The following SLC25A25 variants were observed in gnomAD, a reference collection of about 807,000 sequenced individuals.
SLC25A25 encodes the protein mitochondrial adenyl nucleotide antiporter SLC25A25.
SLC25A25 carries 32 observed loss-of-function variants against 57.7 expected under a neutral mutation model. That is an observed-to-expected ratio of 0.55 (90% CI 0.42 to 0.74). The LOEUF is 0.74. Ranked by LOEUF, SLC25A25 falls within the 30% of genes least tolerant of loss-of-function variation. The pLI is 0.00. For synonymous variants in SLC25A25, 306 were observed against 291.2 expected (o/e 1.05, Z -0.52); for missense variants, 556 against 701.3 (o/e 0.79, Z 2.34).
chr9:128,093,119 AT>A (rs1317821409), intron 1 of SLC25A25, among the ~76,000 whole-genome samples: 4 of 152,252 alleles, frequency 2.6e-5, no homozygotes, highest in African/African-American at 9.6e-5. Context: ...ATAAAAGCTC[AT>A]TTTGCCTTTG....
rs141910331 is a variant in SLC25A25, at chr9:128,107,494, T to C, written c.*50T>C. 7.1e-4 allele frequency: 1,068 copies of C among 1,495,558 alleles called. 12 individuals are homozygous for C. The African/African-American group carries it at 0.013, about 18-fold the overall frequency. 92.6% of individuals were successfully genotyped at this position (1,495,558 alleles called of 1,614,324 possible). On this transcript the variant is annotated 3_prime_UTR_variant, in exon 11 of 11. Transcript: ENST00000373069. ...GACTCGCTGATCCTGGGCCGCAGCC[T>C]GGGGTGTGCAGCCATCTCATTCTGT...
Position 128,101,610 on chromosome 9 carries a change from C to G in SLC25A25, c.476+214C>G, listed in dbSNP as rs532207887. Reference sequence around the variant, plus strand: ...ATCACAGATCACCTGGAATTTTGCCCATCGGCCAGTGGCCCATGAAGGGAA... The same window carrying G: ...ATCACAGATCACCTGGAATTTTGCCGATCGGCCAGTGGCCCATGAAGGGAA... On this transcript the variant is annotated intron_variant, in intron 3 of 10. Transcript: ENST00000373069. This position sits in a 1 kb window ranked among gnomAD's most constrained non-coding sequence, Gnocchi z 4.9. 1.3e-5 allele frequency among the ~76,000 whole-genome samples: 2 copies of G among 151,100 alleles called. No individual in the cohort carries two copies. The highest frequency in any genetic ancestry group is 1.3e-4 in the Admixed American group (2 of 15,046).
At chr9:128,098,651 G>C in intron 1 of SLC25A25, 1 of 1,614,098 alleles carries the variant, frequency 6.2e-7, no homozygotes, top group Non-Finnish European at 8.5e-7. Context: ...GCTCCCTGCC[G>C]AGCTGAAGTC....
intron 1 of SLC25A25, chr9:128,098,764 A>G: frequency 1.9e-6 from 3 of 1,604,020 alleles, no homozygotes; most frequent in Non-Finnish European, 2.6e-6. Flanking sequence ...AGGCGCATTC[A>G]ACCGGTATTT....
chr9:128,079,429 AAAG>A (rs201774362), intron 1 of SLC25A25, among the ~76,000 whole-genome samples: 6,055 of 145,856 alleles, frequency 0.042, 394 homozygotes, highest in African/African-American at 0.15. Flanking sequence ...AAAAAAAAAA[AAAG>A]GGTGGAGAGA....
Position 128,099,137 on chromosome 9 carries a change from T to C in SLC25A25, c.262-1959T>C, listed in dbSNP as rs2130813441. 1 of 1,218,710 alleles carries C rather than the reference T, an allele frequency of 8.2e-7. No homozygotes were observed. Among genetic ancestry groups the C allele is most frequent in the East Asian group, 6.3e-5 (1 of 15,884 alleles). 75.5% of individuals were successfully genotyped at this position (1,218,710 alleles called of 1,614,324 possible). ...TCCCTGGTGTGGGGGTGAGGGAGCC[T>C]CCCGCCTTCTCGACTCTCAGACATC... On this transcript the variant is annotated intron_variant, in intron 1 of 10. Coordinates refer to ENST00000373069, the MANE Select transcript of SLC25A25 (RefSeq NM_001330988.2). The surrounding 1 kb of genome is among the most constrained non-coding windows in gnomAD (Gnocchi z 6.8).
intron 1 of SLC25A25, 38 bp downstream of exon 1, chr9:128,068,618 G>A (rs762351608): frequency 7.2e-7 from 1 of 1,393,902 alleles, no homozygotes; most frequent in Non-Finnish European, 9.3e-7. Flanking sequence ...CGGGGAGGGA[G>A]CCCCTCGAGG....
intron 1 of SLC25A25, among the ~76,000 whole-genome samples, chr9:128,079,788 T>G (rs1362861354): frequency 6.7e-6 from 1 of 148,608 alleles, no homozygotes; most frequent in African/African-American, 2.5e-5. Context: ...GTCAAGAGAT[T>G]GAGACCATCC....
intron 6 of SLC25A25, among the ~76,000 whole-genome samples, chr9:128,104,604 C>T (rs1833939464): frequency 6.6e-6 from 1 of 152,176 alleles, no homozygotes; most frequent in Non-Finnish European, 1.5e-5. Flanking sequence ...TGAACAACTG[C>T]CTCATCCTTT....
At chr9:128,076,503 T>A (rs1375349980) in intron 1 of SLC25A25, among the ~76,000 whole-genome samples, 1 of 149,876 alleles carries the variant, frequency 6.7e-6, no homozygotes, top group Non-Finnish European at 1.5e-5. Context: ...TCTCTCTCTC[T>A]CGCCCAGGCT....
chr9:128,098,814 T>G, intron 1 of SLC25A25: 4 of 1,537,856 alleles, frequency 2.6e-6, no homozygotes, highest in Non-Finnish European at 3.5e-6. Context: ...CATCCCCCAC[T>G]GAGAGGAAAG....
intron 1 of SLC25A25, chr9:128,091,886 T>C (rs1354901418): frequency 1.2e-6 from 2 of 1,610,500 alleles, no homozygotes; most frequent in Non-Finnish European, 1.7e-6. Context: ...GCAGATGCTG[T>C]GGCATTTCCT....
chr9:128,070,519 G>C (rs547784278), intron 1 of SLC25A25, among the ~76,000 whole-genome samples: 2 of 151,994 alleles, frequency 1.3e-5, no homozygotes, highest in African/African-American at 4.8e-5. Flanking sequence ...GGGATTACAG[G>C]CGTGAGCCAC....
Position 128,099,519 on chromosome 9 carries a change from C to A in SLC25A25, c.262-1577C>A. On this transcript the variant is annotated intron_variant, in intron 1 of 10. Coordinates refer to ENST00000373069, the MANE Select transcript of SLC25A25 (RefSeq NM_001330988.2). This position sits in a 1 kb window ranked among gnomAD's most constrained non-coding sequence, Gnocchi z 6.8. ...TTCGCCTCCTGCCTAAATGGCTTGT[C>A]CACTCTATTTCCATTCCTGTTAGAG... is the stretch of plus-strand genomic sequence containing the variant. The A allele has an allele frequency of 1.6e-6, 1 of 609,346 alleles. No homozygotes were observed. The highest frequency in any genetic ancestry group is 2.3e-6 in the Non-Finnish European group (1 of 440,974). The allele number at this position is 609,346 out of a possible 1,614,324, so 37.7% of individuals were successfully genotyped here.
rs544192224 is a variant in SLC25A25 at position 128,068,601 on chromosome 9, G to A, written c.261+21G>A. 8 of 1,410,604 alleles carry A rather than the reference G, an allele frequency of 5.7e-6. No individual in the cohort carries two copies. The South Asian group carries it at 1.3e-4, about 22-fold the overall frequency. 87.4% of individuals were successfully genotyped at this position (1,410,604 alleles called of 1,614,324 possible). A position where few individuals can be genotyped will look rare whatever the true frequency, so the allele number is the denominator to read the frequency against. ...TCCAGGTAGGCTGCGCGCGTCCTCA[G>A]CACTGGCGGGGAGGGAGCCCCTCGA... is the stretch of plus-strand genomic sequence containing the variant. On this transcript the variant is annotated intron_variant, in intron 1 of 10. Transcript: ENST00000373069.
At chr9:128,100,972 T>C in intron 1 of SLC25A25, 124 bp from the exon 2 acceptor site, 1 of 1,333,682 alleles carries the variant, frequency 7.5e-7, no homozygotes, top group Non-Finnish European at 1.0e-6. Flanking sequence ...CAGAAGCATC[T>C]TGGGTCCTTG....
At position 128,101,217 on chromosome 9, in the gene SLC25A25, A is replaced by G. The variant is rs750100888; in HGVS notation, c.383A>G (p.Asn128Ser). ...GTGTTTAAGAGTTTGGACAAAAAGA[A>G]TGATGGTAAGTGTTGCCTTCAGAGC... Reference protein sequence around the residue: ...RLVFKSLDKKNDGRIDAQEIM... With the variant: ...RLVFKSLDKKSDGRIDAQEIM... Residue 128 changes from asparagine (N) to serine (S), a missense_variant, in exon 2 of 11, where the codon AAT (asparagine) becomes AGT (serine). This residue lies in a region of SLC25A25 where 248 missense variants were observed against 273.5 expected (regional missense o/e 0.91). Transcript: ENST00000373069. The surrounding 1 kb of genome is among the most constrained non-coding windows in gnomAD (Gnocchi z 4.9). 1.1e-5 allele frequency: 17 copies of G among 1,614,264 alleles called. No individual in the cohort carries two copies. The South Asian group carries it at 1.8e-4, about 17-fold the overall frequency.
At chr9:128,076,913 C>T (rs1024580436) in intron 1 of SLC25A25, among the ~76,000 whole-genome samples, 1 of 152,184 alleles carries the variant, frequency 6.6e-6, no homozygotes, top group Admixed American at 6.6e-5. Context: ...GCATCCTTCG[C>T]AGATGGTCAT....
chr9:128,101,144 G>A lies in SLC25A25; in HGVS notation c.310G>A (p.Glu104Lys). Residue 104 changes from glutamate to lysine, a missense_variant, in exon 2 of 11, where the codon GAA (glutamate) becomes AAA (lysine). Transcript: ENST00000373069. This position sits in a 1 kb window ranked among gnomAD's most constrained non-coding sequence, Gnocchi z 4.9. ...DKDLDGQLDF[E>K]EFVHYLQDHE... ...GGACCTTGATGGGCAGCTAGACTTT[G>A]AAGAATTTGTCCATTATCTCCAAGA... 2 of 1,614,264 alleles carry A rather than the reference G, an allele frequency of 1.2e-6. No homozygotes were observed. The highest frequency in any genetic ancestry group is 1.7e-6 in the Non-Finnish European group (2 of 1,180,044).
Sources: allele counts gnomAD v4.1 joint callset (sites outside exome capture counted in the v4.1 genomes callset), GRCh38; gene constraint gnomAD v4.1.1; regional missense constraint gnomAD v4.1.1; non-coding constraint Gnocchi (gnomAD v3.1); transcripts MANE v1.5; gene names NCBI Gene and HGNC (gene_info 2026-07-23, HGNC 2026-07-21).